CYRIA: variants seen among roughly 807,000 people sequenced by gnomAD.
CYRIA encodes CYFIP related Rac1 interactor A.
In CYRIA, 15 loss-of-function variants were observed where a neutral mutation model predicts 43.9. The ratio of observed to expected loss-of-function variants is 0.34; its 90% CI spans 0.23 to 0.53. The LOEUF is 0.53. Ranked by LOEUF, CYRIA falls within the 20% of genes least tolerant of loss-of-function variation. The pLI is 0.94. For missense variants in CYRIA, 236 were observed against 394.2 expected, an observed-to-expected ratio of 0.60 and a Z score of 3.40; for synonymous variants, 117 against 136.0, an observed-to-expected ratio of 0.86 and a Z score of 0.97.
intron 1 of CYRIA, among the ~76,000 whole-genome samples, chr2:16,629,254 G>A (rs117971174): frequency 0.012 from 1,839 of 152,328 alleles, 95 homozygotes; most frequent in East Asian, 0.11. Context: ...CCCATCATGC[G>A]TGGGAGTGAG....
At position 16,634,493 on chromosome 2, in the gene CYRIA, A is replaced by G. The variant is rs80254644; in HGVS notation, c.-166-10474T>C. On this transcript the variant is annotated intron_variant, in intron 1 of 11. Coordinates refer to ENST00000381323, the MANE Select transcript of CYRIA (RefSeq NM_030797.4). ...TCATTTCTGCTCTAAGACCAGAGGT[A>G]TCCCATGACTTTTCTAATTCCTTCA... 3.7e-3 allele frequency among the ~76,000 whole-genome samples: 568 copies of G among 152,358 alleles called. 6 individuals carry two copies. The East Asian group carries it at 0.053, about 14-fold the overall frequency.
chr2:16,661,385 C>T (rs1029259476), intron 1 of CYRIA, among the ~76,000 whole-genome samples: 3 of 152,208 alleles, frequency 2.0e-5, no homozygotes, highest in Admixed American at 1.3e-4. Context: ...TGGAAAGCAA[C>T]TGTTATGCTT....
intron 1 of CYRIA, among the ~76,000 whole-genome samples, chr2:16,627,901 G>T (rs1347281842): frequency 6.6e-6 from 1 of 152,176 alleles, no homozygotes; most frequent in Non-Finnish European, 1.5e-5. Context: ...TGAAGGCAGG[G>T]CCTGAGATGG....
Position 16,563,099 on chromosome 2 carries a change from C to G in CYRIA, c.298+890G>C, listed in dbSNP as rs560077802. On this transcript the variant is annotated intron_variant, in intron 5 of 11. Coordinates refer to ENST00000381323, the MANE Select transcript of CYRIA (RefSeq NM_030797.4). ...TTTGAGGCAGCCAGTTCTACCTTGG[C>G]CTGCTCTCGTAAGGAATTGTTTTCC... Among the ~76,000 whole-genome samples, 3 of 152,276 alleles carry G rather than the reference C, an allele frequency of 2.0e-5. No individual in the cohort carries two copies. In the South Asian group the frequency reaches 6.2e-4, roughly 32 times the overall value.
chr2:16,633,390 T>C (rs1437854755), intron 1 of CYRIA, among the ~76,000 whole-genome samples: 1 of 147,934 alleles, frequency 6.8e-6, no homozygotes, highest in African/African-American at 2.6e-5. Flanking sequence ...TTAGTGCCTA[T>C]GAGTTGTCTC....
chr2:16,553,044 T>TGAA, intron 11 of CYRIA, 45 bp from the exon 12 acceptor site: 2 of 1,219,268 alleles, frequency 1.6e-6, no homozygotes, highest in Non-Finnish European at 1.2e-6. Context: ...AACAGTGCTC[T>TGAA]GTGTAAGCTT....
intron 3 of CYRIA, among the ~76,000 whole-genome samples, chr2:16,586,698 C>A (rs1667740357): frequency 6.6e-6 from 1 of 150,410 alleles, no homozygotes; most frequent in Non-Finnish European, 1.5e-5. Flanking sequence ...GTTTAGTGCA[C>A]CTTAGAAGGG....
chr2:16,604,410 C>G (rs1012837996), intron 2 of CYRIA, among the ~76,000 whole-genome samples: 4 of 152,230 alleles, frequency 2.6e-5, no homozygotes, highest in East Asian at 1.9e-4. Flanking sequence ...TCCTCCCAGC[C>G]ATCGTCTGGC....
At chr2:16,619,400 C>CAG in intron 2 of CYRIA, among the ~76,000 whole-genome samples, 1 of 152,110 alleles carries the variant, frequency 6.6e-6, no homozygotes, top group Non-Finnish European at 1.5e-5. Context: ...TATATATACA[C>CAG]ACACACATAT....
chr2:16,591,940 A>G (rs776590411), intron 2 of CYRIA, among the ~76,000 whole-genome samples: 1 of 152,110 alleles, frequency 6.6e-6, no homozygotes, highest in Non-Finnish European at 1.5e-5. Flanking sequence ...TTCAGAAATC[A>G]TTTCTAAGTT....
intron 2 of CYRIA, among the ~76,000 whole-genome samples, chr2:16,589,093 G>T (rs189050609): frequency 6.6e-6 from 1 of 152,004 alleles, no homozygotes. Context: ...CATATTTACG[G>T]AGGAGCGATT....
intron 1 of CYRIA, among the ~76,000 whole-genome samples, chr2:16,630,765 A>C (rs11096685): frequency 0.13 from 19,791 of 152,216 alleles, 1,896 homozygotes; most frequent in East Asian, 0.5. Flanking sequence ...AACCCCAAGC[A>C]ACAGCACAAT....
At chr2:16,590,045 T>C (rs1346258507) in intron 2 of CYRIA, among the ~76,000 whole-genome samples, 1 of 150,666 alleles carries the variant, frequency 6.6e-6, no homozygotes, top group African/African-American at 2.5e-5. Context: ...CCTTGAGGTG[T>C]AGGAATATAT....
At chr2:16,573,674 A>C (rs1468710018) in intron 3 of CYRIA, among the ~76,000 whole-genome samples, 1 of 152,156 alleles carries the variant, frequency 6.6e-6, no homozygotes, top group Non-Finnish European at 1.5e-5. Flanking sequence ...AATAAGTCTC[A>C]TGAGATCTGA....
At chr2:16,660,498 C>T (rs1670222580) in intron 1 of CYRIA, among the ~76,000 whole-genome samples, 1 of 152,218 alleles carries the variant, frequency 6.6e-6, no homozygotes, top group African/African-American at 2.4e-5. Context: ...ACTGGCCAGG[C>T]TCCACTGGGC....
At chr2:16,563,939 CA>C (rs1243006865) in intron 5 of CYRIA, 49 bp downstream of exon 5, 14 of 1,404,714 alleles carry the variant, frequency 1.0e-5, no homozygotes, top group Non-Finnish European at 1.4e-5. Flanking sequence ...ACTCAAACAT[CA>C]AAACAGAACT....
chr2:16,626,367 GA>G (rs1436545274), intron 1 of CYRIA, among the ~76,000 whole-genome samples: 2 of 152,086 alleles, frequency 1.3e-5, no homozygotes, highest in East Asian at 3.9e-4. Flanking sequence ...AAAATCTTCT[GA>G]GAGGGTTTTA....
chr2:16,653,983 C>A (rs1670036878), intron 1 of CYRIA, among the ~76,000 whole-genome samples: 1 of 152,178 alleles, frequency 6.6e-6, no homozygotes, highest in African/African-American at 2.4e-5. Flanking sequence ...GCTGAAACAA[C>A]ATGGGAAGAG....
At chr2:16,617,056 C>A (rs1668821343) in intron 2 of CYRIA, among the ~76,000 whole-genome samples, 1 of 152,230 alleles carries the variant, frequency 6.6e-6, no homozygotes, top group African/African-American at 2.4e-5. Flanking sequence ...TGTGCCTCTG[C>A]AAATGTCATC....
Sources: gnomAD v4.1 joint callset for allele counts (sites outside exome capture counted in the v4.1 genomes callset) on GRCh38, gnomAD v4.1.1 for gene constraint, MANE v1.5 for transcripts, NCBI Gene and HGNC (gene_info 2026-07-23, HGNC 2026-07-21) for gene names.